MPPED2: variants seen among roughly 807,000 people sequenced by gnomAD.
MPPED2 encodes metallophosphoesterase MPPED2.
In MPPED2, 5 loss-of-function variants were observed where a neutral mutation model predicts 33.0. The observed-to-expected ratio is 0.15, with a 90% CI of 0.08 to 0.32. The LOEUF (loss-of-function observed/expected upper bound fraction) is 0.32. MPPED2 is among the 10% of genes least tolerant of loss of function. The pLI, the probability that MPPED2 is intolerant of heterozygous loss-of-function variation, is 1.00. For missense variants in MPPED2, 275 were observed against 372.1 expected (o/e 0.74, Z 2.15); for synonymous variants, 136 against 141.9 (o/e 0.96, Z 0.29).
At chr11:30,468,385 T>A (rs1300355763) in intron 4 of MPPED2, among the ~76,000 whole-genome samples, 1 of 152,212 alleles carries the variant, frequency 6.6e-6, no homozygotes, top group Non-Finnish European at 1.5e-5. Flanking sequence ...CCTACCACTG[T>A]ATGCATTGCT....
upstream of MPPED2, chr11:30,586,639 G>A (rs1480370034): frequency 6.6e-6 from 1 of 152,262 alleles, no homozygotes; most frequent in African/African-American, 2.4e-5. This position sits in a 1 kb window ranked among gnomAD's most constrained non-coding sequence, Gnocchi z 4.8. Flanking sequence ...AAAAATGATA[G>A]GGGAAGGAAG....
At chr11:30,514,450 T>C (rs1953407949) in intron 3 of MPPED2, among the ~76,000 whole-genome samples, 1 of 152,112 alleles carries the variant, frequency 6.6e-6, no homozygotes, top group Admixed American at 6.6e-5. Context: ...GAACCCGAGT[T>C]CCTGGTATCA....
At chr11:30,517,357 T>C (rs1345156744) in intron 3 of MPPED2, among the ~76,000 whole-genome samples, 5 of 152,180 alleles carry the variant, frequency 3.3e-5, no homozygotes, top group Non-Finnish European at 7.3e-5. Context: ...ACAAACACTT[T>C]TATGAACACT....
At chr11:30,548,431 G>A (rs1590811921) in intron 2 of MPPED2, among the ~76,000 whole-genome samples, 1 of 152,044 alleles carries the variant, frequency 6.6e-6, no homozygotes, top group South Asian at 2.1e-4. Context: ...TGTTGCCCAG[G>A]CTGGTCTCCA....
intron 4 of MPPED2, among the ~76,000 whole-genome samples, chr11:30,431,247 C>T (rs1296384413): frequency 6.6e-6 from 1 of 152,220 alleles, no homozygotes; most frequent in Non-Finnish European, 1.5e-5. Flanking sequence ...GCCTCTGGCA[C>T]ACAGCGTGTG....
intron 2 of MPPED2, among the ~76,000 whole-genome samples, chr11:30,579,978 T>C (rs1957092590): frequency 6.6e-6 from 1 of 152,162 alleles, no homozygotes; most frequent in African/African-American, 2.4e-5. Context: ...TTTCCGTTCT[T>C]ATCTATAAAT....
intron 6 of MPPED2, among the ~76,000 whole-genome samples, chr11:30,395,318 T>C (rs1235943343): frequency 6.6e-6 from 1 of 152,164 alleles, no homozygotes; most frequent in Non-Finnish European, 1.5e-5. Flanking sequence ...TTTCCCATTT[T>C]TGAAGATAAG....
chr11:30,452,566 G>A (rs771325871), intron 4 of MPPED2, among the ~76,000 whole-genome samples: 275 of 152,150 alleles, frequency 1.8e-3, no homozygotes, highest in Non-Finnish European at 2.7e-3. Context: ...GGTCCAACTC[G>A]AACTTACTAA....
At chr11:30,533,564 T>C (rs1954651261) in intron 3 of MPPED2, among the ~76,000 whole-genome samples, 1 of 152,100 alleles carries the variant, frequency 6.6e-6, no homozygotes, top group Non-Finnish European at 1.5e-5. Context: ...GAAGCACCCT[T>C]TCAGAAAGGG....
chr11:30,573,080 C>G (rs1275673138), intron 2 of MPPED2, among the ~76,000 whole-genome samples: 1 of 152,184 alleles, frequency 6.6e-6, no homozygotes, highest in African/African-American at 2.4e-5. Context: ...ACTGTATACT[C>G]TTTTAGCTTC....
At chr11:30,518,928 T>G (rs1953693407) in intron 3 of MPPED2, among the ~76,000 whole-genome samples, 1 of 152,226 alleles carries the variant, frequency 6.6e-6, no homozygotes, top group Non-Finnish European at 1.5e-5. Context: ...ATTAGTTTAC[T>G]CACTTTCATA....
chr11:30,482,085 T>TG, intron 4 of MPPED2, among the ~76,000 whole-genome samples: 1 of 152,186 alleles, frequency 6.6e-6, no homozygotes, highest in East Asian at 1.9e-4. Context: ...CTACAGAATG[T>TG]GGCCTTTCTT....
At chr11:30,462,455 G>A (rs996895742) in intron 4 of MPPED2, among the ~76,000 whole-genome samples, 16 of 152,060 alleles carry the variant, frequency 1.1e-4, no homozygotes, top group African/African-American at 3.1e-4. Context: ...CTGCATAATT[G>A]TAAAATAATA....
intron 4 of MPPED2, among the ~76,000 whole-genome samples, chr11:30,493,496 A>G (rs1952088263): frequency 6.6e-6 from 1 of 152,020 alleles, no homozygotes. Context: ...CACAACTCCT[A>G]GTGAAGGACT....
At chr11:30,530,554 C>A (rs148962322) in intron 3 of MPPED2, among the ~76,000 whole-genome samples, 56 of 152,294 alleles carry the variant, frequency 3.7e-4, no homozygotes, top group African/African-American at 1.3e-3. Context: ...AGGATGAGTT[C>A]TCCTAGAGAC....
chr11:30,485,535 G>A (rs1304791149), intron 4 of MPPED2, among the ~76,000 whole-genome samples: 2 of 150,486 alleles, frequency 1.3e-5, no homozygotes, highest in East Asian at 3.9e-4. Flanking sequence ...CTGTTTCTAA[G>A]GCCAAACCCC....
chr11:30,551,941 T>TA (rs112171923), intron 2 of MPPED2, among the ~76,000 whole-genome samples: 19,007 of 152,164 alleles, frequency 0.12, 3,432 homozygotes, highest in African/African-American at 0.4. Context: ...GTTTTGTTGT[T>TA]TTTCTGCCTC....
At chr11:30,497,137 T>C (rs16920813) in intron 3 of MPPED2, among the ~76,000 whole-genome samples, 8,327 of 152,218 alleles carry the variant, frequency 0.055, 747 homozygotes, top group African/African-American at 0.19. Flanking sequence ...CAAAAAAGAA[T>C]AGGAAGCCTC....
chr11:30,469,598 G>C (rs1208972621), intron 4 of MPPED2, among the ~76,000 whole-genome samples: 1 of 152,108 alleles, frequency 6.6e-6, no homozygotes, highest in African/African-American at 2.4e-5. Flanking sequence ...CTTGAACCTA[G>C]CCTCCTTTTC....
Sources: allele counts gnomAD v4.1 joint callset (sites outside exome capture counted in the v4.1 genomes callset), GRCh38; gene constraint gnomAD v4.1.1; non-coding constraint Gnocchi (gnomAD v3.1); transcripts MANE v1.5; gene names NCBI Gene and HGNC (gene_info 2026-07-23, HGNC 2026-07-21).